The following COPE variants were observed in gnomAD, a reference collection of about 807,000 sequenced individuals.
COPE encodes the protein coat protein complex I subunit epsilon.
Under a neutral mutation model 42.1 loss-of-function variants are expected in COPE, and 19 were observed. The observed-to-expected ratio is 0.45, with a 90% CI of 0.31 to 0.66. The LOEUF is 0.66. COPE is among the 30% of genes least tolerant of loss of function. COPE has a pLI of 0.05. For synonymous variants in COPE, 195 were observed against 181.3 expected (o/e 1.08, Z -0.60); for missense variants, 402 against 416.1 (o/e 0.97, Z 0.30).
intron 3 of COPE, among the ~76,000 whole-genome samples, chr19:18,907,357 C>T (rs2056770542): frequency 6.6e-6 from 1 of 152,162 alleles, no homozygotes; most frequent in African/African-American, 2.4e-5. Flanking sequence ...TCCAAGGGGA[C>T]ATGAGGAGGC....
Position 18,899,903 on chromosome 19 carries a change from G to A in COPE, c.849C>T (p.Ser283=), listed in dbSNP as rs141772605. 1,571 of 1,613,652 alleles carry A rather than the reference G, an allele frequency of 9.7e-4. No homozygotes were observed. The highest frequency in any genetic ancestry group is 1.2e-3 in the Non-Finnish European group (1,417 of 1,179,810). Residue 283 remains serine, a synonymous_variant, in exon 9 of 10, where the codon TCC becomes TCT. Coordinates refer to ENST00000262812, the MANE Select transcript of COPE (RefSeq NM_007263.4). ...CCTGGTACTCCTTGATGAAGGGATGGGACCTGTGGGCATCCTTCAGCTGGG... is the reference window on the plus strand; with the variant it reads ...CCTGGTACTCCTTGATGAAGGGATGAGACCTGTGGGCATCCTTCAGCTGGG... ...YLSQLKDAHR[S]HPFIKEYQAK...
chr19:18,899,796 G>A (rs1427455878), intron 9 of COPE, 70 bp from the exon 10 acceptor site: 4 of 1,610,680 alleles, frequency 2.5e-6, no homozygotes, highest in African/African-American at 1.3e-5. Flanking sequence ...GAGAGAGAGA[G>A]GGCGCATGTG....
intron 6 of COPE, among the ~76,000 whole-genome samples, chr19:18,904,378 G>A (rs1308500218): frequency 6.6e-6 from 1 of 152,242 alleles, no homozygotes; most frequent in East Asian, 1.9e-4. Context: ...GGGAGCTGAG[G>A]ACATCTCCAC....
At chr19:18,907,146 G>A (rs2056768685) in intron 3 of COPE, 34 bp from the exon 4 acceptor site, 1 of 1,599,410 alleles carries the variant, frequency 6.3e-7, no homozygotes, top group African/African-American at 1.3e-5. Context: ...CCCACAGCTG[G>A]GGTGGCCTCT....
chr19:18,914,336 TC>T (rs1250076339), intron 1 of COPE, among the ~76,000 whole-genome samples: 1 of 151,864 alleles, frequency 6.6e-6, no homozygotes, highest in African/African-American at 2.4e-5. Context: ...GGTCAGGAGT[TC>T]CAGACCAGCC....
chr19:18,917,611 C>T (rs551754057), intron 1 of COPE, among the ~76,000 whole-genome samples: 12 of 151,922 alleles, frequency 7.9e-5, no homozygotes, highest in South Asian at 2.1e-4. Context: ...TCAGGTGATC[C>T]GCCCGCCTCC....
chr19:18,899,760 G>A (rs1601203761), intron 9 of COPE, 34 bp from the exon 10 acceptor site: 1 of 1,613,086 alleles, frequency 6.2e-7, no homozygotes, highest in Non-Finnish European at 8.5e-7. Context: ...CAGGGTGGGG[G>A]CAGGGTGTGG....
chr19:18,913,191 C>T (rs764980222), intron 1 of COPE, 145 bp from the exon 2 acceptor site: 41 of 718,668 alleles, frequency 5.7e-5, no homozygotes, highest in Non-Finnish European at 9.4e-5. Context: ...CCCTGATCCT[C>T]CGTAGCCCGA....
chr19:18,903,485 C>A, intron 6 of COPE, 62 bp from the exon 7 acceptor site: 1 of 1,533,760 alleles, frequency 6.5e-7, no homozygotes, highest in African/African-American at 1.4e-5. Context: ...CCCCGCCAGC[C>A]CCCTCCCCTA....
chr19:18,908,235 C>T (rs2056778759), intron 3 of COPE, among the ~76,000 whole-genome samples: 1 of 152,086 alleles, frequency 6.6e-6, no homozygotes, highest in Non-Finnish European at 1.5e-5. Flanking sequence ...TCAAGACCAC[C>T]CTGGGCAACA....
At chr19:18,910,687 T>C (rs1230962705) in intron 3 of COPE, 3 of 469,742 alleles carry the variant, frequency 6.4e-6, no homozygotes, top group Non-Finnish European at 1.2e-5. Flanking sequence ...GTAATTGATA[T>C]TTTCAGTTCT....
At chr19:18,910,626 C>G in intron 3 of COPE, 1 of 254,074 alleles carries the variant, frequency 3.9e-6, no homozygotes, top group Non-Finnish European at 7.8e-6. Flanking sequence ...GCCCTGCCCC[C>G]GCTGCGCCCT....
chr19:18,912,992 G>A lies in COPE; in HGVS notation c.181C>T (p.Leu61=). The change falls in exon 2 of 10, where the codon CTG becomes TTG. Residue 61 remains leucine (L), a synonymous_variant. Coordinates refer to ENST00000262812, the MANE Select transcript of COPE (RefSeq NM_007263.4). Reference sequence around the variant, plus strand: ...CCAAGGCCCGCACTCACCTGCGCCAGGTACGCTCTATACAGGAAGACGTCC... The same window carrying A: ...CCAAGGCCCGCACTCACCTGCGCCAAGTACGCTCTATACAGGAAGACGTCC... The part of the protein sequence containing the change: ...ERDVFLYRAY[L]AQRKFGVVLD... 1.9e-6 allele frequency: 3 copies of A among 1,611,964 alleles called. No homozygotes were observed. The highest frequency in any genetic ancestry group is 2.5e-6 in the Non-Finnish European group (3 of 1,179,904).
intron 1 of COPE, among the ~76,000 whole-genome samples, chr19:18,915,964 G>A (rs949431799): frequency 6.6e-6 from 1 of 152,228 alleles, no homozygotes; most frequent in Non-Finnish European, 1.5e-5. Flanking sequence ...CCTCAGGTGG[G>A]GCTGAGGTTG....
chr19:18,919,132 A>G, intron 1 of COPE, 91 bp downstream of exon 1: 1 of 1,424,084 alleles, frequency 7.0e-7, no homozygotes, highest in East Asian at 2.3e-5. Context: ...AAGAAAAGAG[A>G]AAGTTTTTAG....
intron 8 of COPE, 72 bp from the exon 9 acceptor site, chr19:18,900,019 G>C (rs901043059): frequency 9.0e-6 from 12 of 1,339,342 alleles, no homozygotes; most frequent in Non-Finnish European, 1.1e-5. Context: ...GCTGGACAGG[G>C]GTGGATTGGG....
intron 1 of COPE, among the ~76,000 whole-genome samples, chr19:18,914,241 C>A (rs2056835065): frequency 6.6e-6 from 1 of 152,104 alleles, no homozygotes; most frequent in Admixed American, 6.5e-5. Flanking sequence ...TTCAAGTATG[C>A]AAAGAAACAT....
Position 18,919,219 on chromosome 19 carries a change from G to T in COPE, c.126+4C>A. On this transcript the variant is annotated splice_donor_region_variant and intron_variant, in intron 1 of 9. Coordinates refer to ENST00000262812, the MANE Select transcript of COPE (RefSeq NM_007263.4). ...AGCGTCCCCGCGCCCCTGCGCGGCC[G>T]CACCTTCACCCGCTGCGCCTCGTTT... 1 of 1,608,518 alleles carries T rather than the reference G, an allele frequency of 6.2e-7. No homozygotes were observed. Among genetic ancestry groups the T allele is most frequent in the Non-Finnish European group, 8.5e-7 (1 of 1,177,072 alleles).
chr19:18,908,666 G>A (rs111852513), intron 3 of COPE, among the ~76,000 whole-genome samples: 2,284 of 148,658 alleles, frequency 0.015, 61 homozygotes, highest in African/African-American at 0.053. Flanking sequence ...ACAGGCACCC[G>A]CCACCATGCC....
Sources: allele counts gnomAD v4.1 joint callset (sites outside exome capture counted in the v4.1 genomes callset), GRCh38; gene constraint gnomAD v4.1.1; transcripts MANE v1.5; gene names NCBI Gene and HGNC (gene_info 2026-07-23, HGNC 2026-07-21).